The following PCDHGB1 variants were observed in gnomAD, a reference collection of about 807,000 sequenced individuals.
PCDHGB1 encodes protocadherin gamma subfamily B, 1.
In PCDHGB1, 34 loss-of-function variants were observed where a neutral mutation model predicts 56.6. The ratio of observed to expected loss-of-function variants is 0.60; its 90% CI spans 0.46 to 0.80. PCDHGB1 has a LOEUF of 0.80. Among genes scored for constraint, PCDHGB1 ranks in the 30% least tolerant of loss-of-function variants. The probability of loss-of-function intolerance (pLI) is 0.00; values close to 1 mark genes in which losing one functional copy is unlikely to be tolerated. For synonymous variants in PCDHGB1, 561 were observed against 505.9 expected, an observed-to-expected ratio of 1.11 and a Z score of -1.46; for missense variants, 1,278 against 1,204.6, an observed-to-expected ratio of 1.06 and a Z score of -0.90.
At position 141,486,447 on chromosome 5, in the gene PCDHGB1, T is replaced by A. The variant is rs1452869378; in HGVS notation, c.2410-8360T>A. 6.2e-7 allele frequency: 1 copy of A among 1,614,058 alleles called. No individual in the cohort carries two copies. The highest frequency in any genetic ancestry group is 1.7e-5 in the Admixed American group (1 of 60,012). On this transcript the variant is annotated intron_variant, in intron 1 of 3. Coordinates refer to ENST00000523390, the MANE Select transcript of PCDHGB1 (RefSeq NM_018922.3). This position sits in a 1 kb window ranked among gnomAD's most constrained non-coding sequence, Gnocchi z 5.0. Reference sequence around the variant, plus strand: ...GCCAAATCTAGCTATGACATCATGGTCACTGCTTCTGATGCTGGGAACCCT... The same window carrying A: ...GCCAAATCTAGCTATGACATCATGGACACTGCTTCTGATGCTGGGAACCCT...
In PCDHGB1 at chr5:141,511,548, A is replaced by C; in HGVS notation, c.*375A>C. 3.3e-6 allele frequency: 1 copy of C among 306,952 alleles called. No homozygotes were observed. The highest frequency in any genetic ancestry group is 6.3e-6 in the Non-Finnish European group (1 of 158,248). 19.0% of individuals were successfully genotyped at this position (306,952 alleles called of 1,614,324 possible). ...CCTCCCTCCTCCCCACCCCACTCCA[A>C]CAGTTCCTCTTTCCCGAGTAAGGTG... is the stretch of plus-strand genomic sequence containing the variant. On this transcript the variant is annotated 3_prime_UTR_variant, in exon 4 of 4. Transcript: ENST00000523390.
chr5:141,378,181 C>G (rs183481155), intron 1 of PCDHGB1: 2 of 152,302 alleles, frequency 1.3e-5, no homozygotes, highest in Admixed American at 6.5e-5. Flanking sequence ...AGCACCGATG[C>G]TGTGTGCCTA....
chr5:141,487,884 A>G lies in PCDHGB1; in HGVS notation c.2410-6923A>G. 1.3e-6 allele frequency: 1 copy of G among 766,716 alleles called. No homozygotes were observed. Among genetic ancestry groups the G allele is most frequent in the Non-Finnish European group, 2.1e-6 (1 of 481,170 alleles). 47.5% of individuals were successfully genotyped at this position (766,716 alleles called of 1,614,324 possible). On this transcript the variant is annotated intron_variant, in intron 1 of 3. Transcript: ENST00000523390. The surrounding 1 kb of genome is among the most constrained non-coding windows in gnomAD (Gnocchi z 5.0). ...GTGATCAAGAGCCAGGCTGTTGTGG[A>G]AGCATGATGATGGAATGTGGGAGCA...
intron 1 of PCDHGB1, among the ~76,000 whole-genome samples, chr5:141,479,798 G>C (rs892288776): frequency 6.6e-6 from 1 of 152,234 alleles, no homozygotes; most frequent in East Asian, 1.9e-4. Context: ...ATTAATTCAG[G>C]GTGGTATGCA....
chr5:141,418,363 C>G (rs147423305), intron 1 of PCDHGB1: 1 of 1,613,866 alleles, frequency 6.2e-7, no homozygotes, highest in Non-Finnish European at 8.5e-7. Context: ...ATTCGCTGAG[C>G]AAATACCAAC....
intron 1 of PCDHGB1, chr5:141,372,083 G>A (rs1381793721): frequency 1.2e-6 from 2 of 1,613,756 alleles, no homozygotes; most frequent in Non-Finnish European, 8.5e-7. Context: ...CGCTGGTGCT[G>A]TACCCAGCTC....
intron 1 of PCDHGB1, among the ~76,000 whole-genome samples, chr5:141,447,752 G>T (rs2154561873): frequency 6.6e-6 from 1 of 152,280 alleles, no homozygotes; most frequent in Admixed American, 6.5e-5. Context: ...TCTTGCATGT[G>T]ACTGTATATA....
chr5:141,362,171 G>C lies in PCDHGB1; in HGVS notation c.2409+9502G>C, dbSNP rs62378417. 152,882 of 1,613,796 alleles carry C rather than the reference G, an allele frequency of 0.095. 8,932 individuals are homozygous for C. The highest frequency in any genetic ancestry group is 0.29 in the African/African-American group (21,432 of 74,954). On this transcript the variant is annotated intron_variant, in intron 1 of 3. Coordinates refer to ENST00000523390, the MANE Select transcript of PCDHGB1 (RefSeq NM_018922.3). ...GTATTGCCAGACCTCAGCGACCGCC[G>C]GGAGCCCTCTGACCCCCAGGCAAAA... is the stretch of plus-strand genomic sequence containing the variant.
chr5:141,361,668 C>T (rs923388451), intron 1 of PCDHGB1: 10 of 1,613,670 alleles, frequency 6.2e-6, no homozygotes, highest in Non-Finnish European at 8.5e-6. Context: ...GCGCGCAGAG[C>T]GGGGTGGTGT....
chr5:141,482,220 G>T (rs945741591), intron 1 of PCDHGB1, among the ~76,000 whole-genome samples: 8 of 152,148 alleles, frequency 5.3e-5, no homozygotes, highest in African/African-American at 1.9e-4. Flanking sequence ...ACTTGTTTTG[G>T]TGTGAAATTG....
At chr5:141,389,766 C>A (rs1217222336) in intron 1 of PCDHGB1, 1 of 1,613,060 alleles carries the variant, frequency 6.2e-7, no homozygotes, top group East Asian at 2.2e-5. Flanking sequence ...GCGCACAGCG[C>A]GTGCCTTAGG....
intron 1 of PCDHGB1, among the ~76,000 whole-genome samples, chr5:141,481,478 T>C (rs2099538352): frequency 6.6e-6 from 1 of 152,232 alleles, no homozygotes; most frequent in African/African-American, 2.4e-5. Context: ...GATTATACAC[T>C]TTAAATATGT....
chr5:141,371,161 C>T, intron 1 of PCDHGB1: 1 of 1,614,006 alleles, frequency 6.2e-7, no homozygotes, highest in South Asian at 1.1e-5. Context: ...GAGAACCTGC[C>T]CGCTGGCTCC....
rs768648952 is a variant in PCDHGB1, at chr5:141,477,230, G to T, written c.2410-17577G>T. 14 of 1,614,046 alleles carry T rather than the reference G, an allele frequency of 8.7e-6. No homozygotes were observed. The highest frequency in any genetic ancestry group is 4.0e-5 in the African/African-American group (3 of 74,916). On this transcript the variant is annotated intron_variant, in intron 1 of 3. Transcript: ENST00000523390. The surrounding 1 kb of genome is among the most constrained non-coding windows in gnomAD (Gnocchi z 4.9). Reference sequence around the variant, plus strand: ...GGATGCCCCTCTGGGGACTGTCATCGCTTTGCTCAGTGTGACTGACCTGGA... The same window carrying T: ...GGATGCCCCTCTGGGGACTGTCATCTCTTTGCTCAGTGTGACTGACCTGGA...
At chr5:141,364,475 GC>G in intron 1 of PCDHGB1, 1 of 1,614,016 alleles carries the variant, frequency 6.2e-7, no homozygotes, top group Non-Finnish European at 8.5e-7. Context: ...CGGCAACATA[GC>G]CAAGGACCTT....
chr5:141,430,761 T>G, intron 1 of PCDHGB1: 5 of 1,506,132 alleles, frequency 3.3e-6, no homozygotes, highest in Non-Finnish European at 3.5e-6. Context: ...AAGATAAGAA[T>G]GATTCCTGCG....
At chr5:141,371,960 C>T (rs771450244) in intron 1 of PCDHGB1, 16 of 1,613,142 alleles carry the variant, frequency 9.9e-6, no homozygotes, top group Admixed American at 1.7e-5. Flanking sequence ...CCTTCGACCA[C>T]GAGCAGCTGC....
intron 2 of PCDHGB1, among the ~76,000 whole-genome samples, chr5:141,498,394 A>G (rs1043900807): frequency 6.6e-6 from 1 of 152,096 alleles, no homozygotes; most frequent in Non-Finnish European, 1.5e-5. Flanking sequence ...AGGGAATGGC[A>G]GGGAGTTTTC....
intron 1 of PCDHGB1, among the ~76,000 whole-genome samples, chr5:141,380,336 G>T (rs1221282125): frequency 1.3e-5 from 2 of 152,060 alleles, no homozygotes; most frequent in Non-Finnish European, 2.9e-5. Flanking sequence ...GAACTTCAAA[G>T]AACTGTTTTG....
Sources: gnomAD v4.1 joint callset for allele counts (sites outside exome capture counted in the v4.1 genomes callset) on GRCh38, gnomAD v4.1.1 for gene constraint, Gnocchi (gnomAD v3.1) non-coding constraint, MANE v1.5 for transcripts, NCBI Gene and HGNC (gene_info 2026-07-23, HGNC 2026-07-21) for gene names.